PCDH15: variants seen among roughly 807,000 people sequenced by gnomAD.
PCDH15 encodes protocadherin related 15.
A neutral mutation model predicts 178.5 loss-of-function variants in PCDH15; 129 were observed. The observed-to-expected ratio is 0.72, with a 90% CI of 0.63 to 0.84. The LOEUF (loss-of-function observed/expected upper bound fraction) is 0.84. Among genes scored for constraint, PCDH15 ranks in the 40% least tolerant of loss-of-function variants. The pLI is 0.00. For synonymous variants in PCDH15, 800 were observed against 732.0 expected (o/e 1.09, Z -1.50); for missense variants, 2,230 against 2,099.9 (o/e 1.06, Z -1.21).
At chr10:54,217,971 A>G (rs2052296779) in intron 9 of PCDH15, among the ~76,000 whole-genome samples, 1 of 152,298 alleles carries the variant, frequency 6.6e-6, no homozygotes, top group East Asian at 1.9e-4. Flanking sequence ...ATCAATAAGG[A>G]TCATATCAGT....
At position 55,061,427 on chromosome 10, in the gene PCDH15, A is replaced by G. The variant is rs79508390; in HGVS notation, c.-80+105149T>C. The stretch of plus-strand genomic sequence containing the variant: ...ATTATGCTGGCAAGGACATGGAGAA[A>G]CAAGAACTCCCTTTCACTGCTGGTG... On this transcript the variant is annotated intron_variant, in intron 2 of 5. Coordinates refer to the PCDH15 transcript ENST00000458638. Among the ~76,000 whole-genome samples, 30 of 152,322 alleles carry G rather than the reference A, an allele frequency of 2.0e-4. 1 individual carries two copies. In the East Asian group the frequency reaches 5.8e-3, roughly 29 times the overall value.
At chr10:54,369,347 G>A (rs183863679) in intron 4 of PCDH15, 72 bp from the exon 5 acceptor site, 16 of 1,308,526 alleles carry the variant, frequency 1.2e-5, no homozygotes, top group East Asian at 2.4e-5. Flanking sequence ...CAAAGCACTC[G>A]TTCATTCAGT....
chr10:54,752,882 G>A (rs548165129), intron 1 of PCDH15, among the ~76,000 whole-genome samples: 2 of 152,062 alleles, frequency 1.3e-5, no homozygotes, highest in Non-Finnish European at 2.9e-5. Flanking sequence ...GTAAAATTCA[G>A]ACAGTCTTAT....
chr10:54,858,306 A>G (rs1007149977), intron 3 of PCDH15, among the ~76,000 whole-genome samples: 1 of 152,136 alleles, frequency 6.6e-6, no homozygotes, highest in African/African-American at 2.4e-5. Context: ...TTGTTGATTC[A>G]TTCATTGATA....
At chr10:53,907,451 T>A (rs1174168058) in intron 25 of PCDH15, among the ~76,000 whole-genome samples, 1 of 152,140 alleles carries the variant, frequency 6.6e-6, no homozygotes, top group East Asian at 1.9e-4. Flanking sequence ...ATCTAAACAA[T>A]GCAAGTATTG....
rs114516507 is a variant in PCDH15 at position 55,447,433 on chromosome 10, C to A, written c.-156+180192G>T. On this transcript the variant is annotated intron_variant, in intron 2 of 5. Transcript: ENST00000613346. ...GTCCCAGGGATGCTTCCTTAATAAGCCCTTTGAGGAAATCATTCAACAAAA... is the reference window on the plus strand; with the variant it reads ...GTCCCAGGGATGCTTCCTTAATAAGACCTTTGAGGAAATCATTCAACAAAA... Among the ~76,000 whole-genome samples the A allele has an allele frequency of 2.0e-3, 304 of 152,040 alleles. 3 individuals carry two copies. The highest frequency in any genetic ancestry group is 7.2e-3 in the African/African-American group (297 of 41,526).
intron 26 of PCDH15, among the ~76,000 whole-genome samples, chr10:53,876,430 C>T (rs1416690063): frequency 6.6e-6 from 1 of 152,098 alleles, no homozygotes; most frequent in Admixed American, 6.5e-5. Context: ...TCGTGATCCA[C>T]CCGGCTCGGC....
intron 5 of PCDH15, among the ~76,000 whole-genome samples, chr10:54,356,040 C>G (rs1944922010): frequency 6.6e-6 from 1 of 151,936 alleles, no homozygotes; most frequent in Non-Finnish European, 1.5e-5. Context: ...ACAGTCTTAA[C>G]CTAGTTCCCC....
chr10:54,670,527 C>T (rs1590952747), intron 1 of PCDH15, among the ~76,000 whole-genome samples: 1 of 151,924 alleles, frequency 6.6e-6, no homozygotes, highest in African/African-American at 2.4e-5. Context: ...AAATGACTGA[C>T]CAATATAATT....
chr10:54,004,367 A>C (rs375437245), intron 20 of PCDH15, among the ~76,000 whole-genome samples: 32 of 151,282 alleles, frequency 2.1e-4, no homozygotes, highest in African/African-American at 7.8e-4. Flanking sequence ...GCAAATGATA[A>C]AATCTAACAC....
At chr10:53,857,886 GAAAAAT>G (rs2133047284) in intron 27 of PCDH15, among the ~76,000 whole-genome samples, 1 of 151,920 alleles carries the variant, frequency 6.6e-6, no homozygotes, top group East Asian at 1.9e-4. Context: ...AAAAATAGAA[GAAAAAT>G]AAAAATATTT....
chr10:55,103,868 G>C (rs377353188), intron 2 of PCDH15, among the ~76,000 whole-genome samples: 2 of 152,096 alleles, frequency 1.3e-5, no homozygotes, highest in Non-Finnish European at 2.9e-5. Context: ...AACTTTAAAA[G>C]ACAGTTGCTT....
At chr10:55,413,861 A>G (rs1487025847) in intron 2 of PCDH15, among the ~76,000 whole-genome samples, 1 of 151,506 alleles carries the variant, frequency 6.6e-6, no homozygotes, top group Non-Finnish European at 1.5e-5. Flanking sequence ...TTGAATGAAG[A>G]GTGGTCAAGT....
chr10:54,815,226 A>T (rs1952930094), intron 3 of PCDH15, among the ~76,000 whole-genome samples: 2 of 152,058 alleles, frequency 1.3e-5, no homozygotes, highest in South Asian at 4.1e-4. Flanking sequence ...AGAAAAAAGT[A>T]TGGCATGAAT....
At chr10:54,626,355 C>T (rs546071771) in intron 2 of PCDH15, among the ~76,000 whole-genome samples, 1 of 152,128 alleles carries the variant, frequency 6.6e-6, no homozygotes, top group Non-Finnish European at 1.5e-5. Flanking sequence ...GCCCTTATAC[C>T]ACAGGCCTGG....
intron 16 of PCDH15, among the ~76,000 whole-genome samples, chr10:54,083,580 C>A (rs1169631527): frequency 6.6e-6 from 1 of 152,092 alleles, no homozygotes; most frequent in African/African-American, 2.4e-5. Flanking sequence ...AAGTAGGTAA[C>A]TTGATGAAGC....
rs1429404961 is a variant in PCDH15, at chr10:54,717,146, C to T, written c.-28-52856G>A. 1.5e-5 allele frequency among the ~76,000 whole-genome samples: 2 copies of T among 135,210 alleles called. 1 individual carries two copies. Among genetic ancestry groups the T allele is most frequent in the Non-Finnish European group, 3.2e-5 (2 of 62,720 alleles). 88.7% of individuals were successfully genotyped at this position (135,210 alleles called of 152,430 possible). A position where few individuals can be genotyped will look rare whatever the true frequency, so the allele number is the denominator to read the frequency against. On this transcript the variant is annotated intron_variant, in intron 1 of 37. Transcript: ENST00000644397. ...AAAGACTTAAATGTTAGACCTAAAA[C>T]CATAAAAACCCTAGAAGAAAACCTA...
chr10:54,708,801 T>TGTGTGC (rs959581064), intron 1 of PCDH15, among the ~76,000 whole-genome samples: 12 of 125,670 alleles, frequency 9.5e-5, no homozygotes, highest in African/African-American at 3.4e-4. Context: ...TGTGTGTGTG[T>TGTGTGC]GCGCGCGCGT....
intron 3 of PCDH15, among the ~76,000 whole-genome samples, chr10:54,890,407 A>G (rs960598528): frequency 2.0e-5 from 3 of 152,066 alleles, no homozygotes; most frequent in Admixed American, 2.0e-4. Context: ...GCAAAAAGAT[A>G]AATGTAAATA....
Sources: allele counts gnomAD v4.1 joint callset (sites outside exome capture counted in the v4.1 genomes callset), GRCh38; gene constraint gnomAD v4.1.1; transcripts MANE v1.5; gene names NCBI Gene and HGNC (gene_info 2026-07-23, HGNC 2026-07-21).